LTBR: variants seen among roughly 807,000 people sequenced by gnomAD.
LTBR encodes tumor necrosis factor receptor superfamily member 3.
In LTBR, 15 loss-of-function variants were observed where a neutral mutation model predicts 45.4. The ratio of observed to expected loss-of-function variants is 0.33; its 90% CI spans 0.22 to 0.51. The LOEUF is 0.51. LTBR is among the 20% of genes least tolerant of loss of function. The pLI is 0.97. For missense variants in LTBR, 450 were observed against 565.5 expected, an observed-to-expected ratio of 0.80 and a Z score of 2.07; for synonymous variants, 228 against 231.0, an observed-to-expected ratio of 0.99 and a Z score of 0.12.
chr12:6,377,554 T>G, intron 1 of LTBR: 1 of 861,046 alleles, frequency 1.2e-6, no homozygotes, highest in Non-Finnish European at 1.8e-6. Flanking sequence ...GTCTGCTCTC[T>G]GGGTGCTGGG....
chr12:6,387,464 C>T, intron 6 of LTBR: 1 of 154,608 alleles, frequency 6.5e-6, no homozygotes, highest in Non-Finnish European at 1.4e-5. Context: ...TAACCTCATC[C>T]TATATATGAA....
chr12:6,386,244 C>A lies in LTBR; in HGVS notation c.569+82C>A. On this transcript the variant is annotated intron_variant, in intron 5 of 9. Coordinates refer to ENST00000228918, the MANE Select transcript of LTBR (RefSeq NM_002342.3). The surrounding 1 kb of genome is among the most constrained non-coding windows in gnomAD (Gnocchi z 4.1). ...AACCCCCAGCGCCTATCCTTGACACCACGGACTCGACTCACCACTTTCAGC... is the reference window on the plus strand; with the variant it reads ...AACCCCCAGCGCCTATCCTTGACACAACGGACTCGACTCACCACTTTCAGC... 6.7e-7 allele frequency: 1 copy of A among 1,483,030 alleles called. No homozygotes were observed. The highest frequency in any genetic ancestry group is 1.4e-5 in the African/African-American group (1 of 72,102). 91.9% of individuals were successfully genotyped at this position (1,483,030 alleles called of 1,614,324 possible).
chr12:6,383,865 C>T (rs1949007513), upstream of LTBR, among the ~76,000 whole-genome samples: 1 of 152,214 alleles, frequency 6.6e-6, no homozygotes, highest in Non-Finnish European at 1.5e-5. Flanking sequence ...CCCAGCTGTC[C>T]CTTGCGCTCT....
chr12:6,389,106 G>T, intron 8 of LTBR: 1 of 358,844 alleles, frequency 2.8e-6, no homozygotes, highest in East Asian at 5.8e-5. Flanking sequence ...CAGGGAAGGG[G>T]TCAATGAGTG....
Position 6,386,149 on chromosome 12 carries a change from C to T in LTBR, c.556C>T (p.Gln186Ter). The T allele has an allele frequency of 6.2e-7, 1 of 1,613,304 alleles. No homozygotes were observed. The highest frequency in any genetic ancestry group is 2.2e-5 in the East Asian group (1 of 44,852). ...QNTSSPSARC[Q>*]PHTRCENQGL... ...TACCTCCTCCCCCAGCGCCCGCTGC[C>T]AGCCCCACACCAGGTGAGTGCAGCC... The change falls in exon 5 of 10, where the codon CAG becomes TAG. Residue 186 changes from glutamine (Q) to a stop codon, truncating the protein, a stop_gained. Transcript: ENST00000228918. LOFTEE classifies it high-confidence loss of function. The surrounding 1 kb of genome is among the most constrained non-coding windows in gnomAD (Gnocchi z 4.1).
chr12:6,385,904 CAAAAA>C, intron 4 of LTBR, 157 bp from the exon 5 acceptor site: 76 of 357,330 alleles, frequency 2.1e-4, no homozygotes, highest in Middle Eastern at 1.5e-3. Context: ...GACTCCGTCT[CAAAAA>C]AAAAAAAAAA....
At chr12:6,385,942 G>T in intron 4 of LTBR, 124 bp from the exon 5 acceptor site, 1 of 671,526 alleles carries the variant, frequency 1.5e-6, no homozygotes, top group Non-Finnish European at 2.7e-6. Flanking sequence ...GCAGAGCTTG[G>T]GAAAGGTGAG....
At position 6,385,420 on chromosome 12, in the gene LTBR, G is replaced by A. The variant is rs560000910; in HGVS notation, c.472+41G>A. On this transcript the variant is annotated intron_variant, in intron 4 of 9. Coordinates refer to ENST00000228918, the MANE Select transcript of LTBR (RefSeq NM_002342.3). The stretch of plus-strand genomic sequence containing the variant: ...GGGGCTGGATGTGAAAAGGAGGCTG[G>A]GTGCCAGGGATCTCAAGTGGGAGCA... The A allele has an allele frequency of 3.4e-5, 55 of 1,608,564 alleles. No individual in the cohort carries two copies. The African/African-American group carries it at 6.9e-4, about 20-fold the overall frequency.
At position 6,375,641 on chromosome 12, in the gene LTBR, T is replaced by A. The variant is rs553876167; in HGVS notation, c.39+47T>A. 10 of 1,479,718 alleles carry A rather than the reference T, an allele frequency of 6.8e-6. No homozygotes were observed. In the African/African-American group the frequency reaches 1.4e-4, roughly 21 times the overall value. The allele number at this position is 1,479,718 out of a possible 1,614,324, so 91.7% of individuals were successfully genotyped here. A position where few individuals can be genotyped will look rare whatever the true frequency, so the allele number is the denominator to read the frequency against. On this transcript the variant is annotated intron_variant, in intron 1 of 9. Transcript: ENST00000539925. ...GCTGAGGAGGAGTCAGAGCCGGGAG[T>A]TTTCCGAAGGAAGGAGGGCTCCCGA...
rs1015601842 is a variant in LTBR at position 6,385,281 on chromosome 12, G to A, written c.374G>A (p.Arg125His). The A allele has an allele frequency of 1.9e-6, 3 of 1,613,904 alleles. No homozygotes were observed. Among genetic ancestry groups the A allele is most frequent in the South Asian group, 2.2e-5 (2 of 91,092 alleles). Residue 125 changes from arginine (R) to histidine (H), a missense_variant, in exon 4 of 10, where the codon CGC (arginine) becomes CAC (histidine). Coordinates refer to ENST00000228918, the MANE Select transcript of LTBR (RefSeq NM_002342.3). ...ACAAGCAAACGGAAGACCCAGTGCC[G>A]CTGCCAGCCGGGAATGTTCTGTGCT... Reference protein sequence around the residue: ...PCTSKRKTQCRCQPGMFCAAW... With the variant: ...PCTSKRKTQCHCQPGMFCAAW...
chr12:6,378,669 A>G (rs926045154), intron 1 of LTBR, among the ~76,000 whole-genome samples: 1 of 152,214 alleles, frequency 6.6e-6, no homozygotes, highest in African/African-American at 2.4e-5. Flanking sequence ...ACAGTCACCC[A>G]GGAGTTAGGG....
At chr12:6,376,263 A>C in intron 1 of LTBR, 8 of 861,890 alleles carry the variant, frequency 9.3e-6, no homozygotes, top group Non-Finnish European at 1.1e-5. Context: ...ACCCCCTCCA[A>C]CCTTGTCCAG....
chr12:6,386,469 C>CAGG lies in LTBR; in HGVS notation c.667+25_667+26insAGG, dbSNP rs5796232. ...GGTGAGGGACCAGGGCTGAGGGACACGGGGGGGGCGCCTCTGAAAATGCCT... is the reference window on the plus strand; with the variant it reads ...GGTGAGGGACCAGGGCTGAGGGACACAGGGGGGGGGGCGCCTCTGAAAATGCCT... On this transcript the variant is annotated intron_variant, in intron 6 of 9. Transcript: ENST00000228918. The surrounding 1 kb of genome is among the most constrained non-coding windows in gnomAD (Gnocchi z 4.1). The CAGG allele has an allele frequency of 9.9e-5, 147 of 1,484,712 alleles. No individual in the cohort carries two copies. In the African/African-American group the frequency reaches 1.1e-3, roughly 12 times the overall value. The allele number at this position is 1,484,712 out of a possible 1,614,324, so 92.0% of individuals were successfully genotyped here.
chr12:6,384,930 G>A, intron 2 of LTBR, 92 bp from the exon 3 acceptor site: 1 of 1,533,076 alleles, frequency 6.5e-7, no homozygotes, highest in Non-Finnish European at 9.0e-7. Context: ...GGGCCAGAGA[G>A]ACCGAGGGAA....
chr12:6,384,305 T>C lies in LTBR; in HGVS notation c.-54T>C. ...CCACCGCTGCCCAGGACGTCGGGCC[T>C]CCTGCCTTCCTCCCAGGCCCCCACG... is the stretch of plus-strand genomic sequence containing the variant. On this transcript the variant is annotated 5_prime_UTR_variant, in exon 1 of 10. Transcript: ENST00000228918. The C allele has an allele frequency of 7.0e-7, 1 of 1,436,910 alleles. No individual in the cohort carries two copies. Among genetic ancestry groups the C allele is most frequent in the African/African-American group, 1.4e-5 (1 of 69,244 alleles). 89.0% of individuals were successfully genotyped at this position (1,436,910 alleles called of 1,614,324 possible). A position where few individuals can be genotyped will look rare whatever the true frequency, so the allele number is the denominator to read the frequency against.
At chr12:6,375,424 T>G, upstream of LTBR, 1 of 1,530,566 alleles carries the variant, frequency 6.5e-7, no homozygotes, top group Non-Finnish European at 8.7e-7. Flanking sequence ...TGCCTCCAGC[T>G]TCCCACTCCC....
At chr12:6,389,967 A>AAG in intron 8 of LTBR, 145 bp from the exon 9 acceptor site, 4 of 639,288 alleles carry the variant, frequency 6.3e-6, no homozygotes, top group Non-Finnish European at 1.1e-5. Flanking sequence ...GAAAGAAAGA[A>AAG]AGAGAGAGAG....
chr12:6,384,269 G>C lies in LTBR; in HGVS notation c.-90G>C. The stretch of plus-strand genomic sequence containing the variant: ...AGTCCCGTCCCAGGCTCTGGGCTCG[G>C]GCAGCCGCCGCCACCGCTGCCCAGG... On this transcript the variant is annotated 5_prime_UTR_variant, in exon 1 of 10. Transcript: ENST00000228918. The C allele has an allele frequency of 7.0e-7, 1 of 1,419,092 alleles. No individual in the cohort carries two copies. Among genetic ancestry groups the C allele is most frequent in the Non-Finnish European group, 9.2e-7 (1 of 1,091,852 alleles). 87.9% of individuals were successfully genotyped at this position (1,419,092 alleles called of 1,614,324 possible).
At chr12:6,376,580 T>C (rs868281449) in intron 1 of LTBR, among the ~76,000 whole-genome samples, 12 of 152,348 alleles carry the variant, frequency 7.9e-5, no homozygotes, top group Middle Eastern at 3.4e-3. Flanking sequence ...GAGAAATTCG[T>C]TGATGGGCTA....
Sources: allele counts gnomAD v4.1 joint callset (sites outside exome capture counted in the v4.1 genomes callset), GRCh38; gene constraint gnomAD v4.1.1; non-coding constraint Gnocchi (gnomAD v3.1); transcripts MANE v1.5; gene names NCBI Gene and HGNC (gene_info 2026-07-23, HGNC 2026-07-21).